PITPNC1: variants seen among roughly 807,000 people sequenced by gnomAD.
PITPNC1 encodes the protein cytoplasmic phosphatidylinositol transfer protein 1.
A neutral mutation model predicts 44.7 loss-of-function variants in PITPNC1; 18 were observed. The ratio of observed to expected loss-of-function variants is 0.40; its 90% CI spans 0.28 to 0.60. PITPNC1 has a LOEUF of 0.60. Among genes scored for constraint, PITPNC1 ranks in the 20% least tolerant of loss-of-function variants. The pLI is 0.39. For synonymous variants in PITPNC1, 141 were observed against 149.6 expected (o/e 0.94, Z 0.42); for missense variants, 290 against 418.4 (o/e 0.69, Z 2.68).
intron 1 of PITPNC1, among the ~76,000 whole-genome samples, chr17:67,447,795 C>T (rs2039120261): frequency 6.6e-6 from 1 of 152,172 alleles, no homozygotes; most frequent in Admixed American, 6.6e-5. Flanking sequence ...GGACAAACCC[C>T]TGCTTTGAAG....
At chr17:67,412,361 C>T (rs1417360494) in intron 1 of PITPNC1, among the ~76,000 whole-genome samples, 4 of 152,072 alleles carry the variant, frequency 2.6e-5, no homozygotes, top group Admixed American at 6.6e-5. Context: ...GCTGATGGCA[C>T]AAGCTCCAGG....
At chr17:67,647,099 G>A (rs1418513260) in intron 6 of PITPNC1, among the ~76,000 whole-genome samples, 2 of 152,064 alleles carry the variant, frequency 1.3e-5, no homozygotes, top group Non-Finnish European at 2.9e-5. Context: ...GGAAAGACTG[G>A]TATGTAGAAA....
chr17:67,426,519 A>G (rs2038767822), intron 1 of PITPNC1, among the ~76,000 whole-genome samples: 1 of 152,096 alleles, frequency 6.6e-6, no homozygotes. Flanking sequence ...CAGAAAACCA[A>G]ACACCACGTG....
Position 67,430,920 on chromosome 17 carries a change from G to A in PITPNC1, c.48+52718G>A, listed in dbSNP as rs534608798. Among the ~76,000 whole-genome samples the A allele has an allele frequency of 5.3e-5, 8 of 152,182 alleles. No homozygotes were observed. The South Asian group carries it at 1.7e-3, about 32-fold the overall frequency. On this transcript the variant is annotated intron_variant, in intron 1 of 8. Coordinates refer to ENST00000581322, the MANE Select transcript of PITPNC1 (RefSeq NM_012417.4). ...GAAATGATCACACCACTGCACTCCA[G>A]CCTGTGTGACAAAGCAAGACCCCAT...
intron 1 of PITPNC1, among the ~76,000 whole-genome samples, chr17:67,434,769 C>T (rs981711601): frequency 4.2e-5 from 6 of 144,338 alleles, no homozygotes; most frequent in African/African-American, 1.5e-4. Context: ...GCTGTTGCAA[C>T]AGGGAACAAC....
At chr17:67,569,194 CA>C (rs1205041375) in intron 4 of PITPNC1, among the ~76,000 whole-genome samples, 1 of 152,158 alleles carries the variant, frequency 6.6e-6, no homozygotes, top group African/African-American at 2.4e-5. Context: ...GGTTTGCTTA[CA>C]TTTCATTTTG....
intron 1 of PITPNC1, among the ~76,000 whole-genome samples, chr17:67,513,776 A>G (rs1425940814): frequency 6.6e-6 from 1 of 152,146 alleles, no homozygotes; most frequent in Non-Finnish European, 1.5e-5. Flanking sequence ...ACCCACATTC[A>G]TTTAACTGTG....
At chr17:67,481,607 A>T (rs569560302) in intron 1 of PITPNC1, among the ~76,000 whole-genome samples, 51 of 152,252 alleles carry the variant, frequency 3.3e-4, no homozygotes, top group Non-Finnish European at 6.2e-4. Context: ...CCAAAGTGGG[A>T]TTACAGGCAT....
intron 6 of PITPNC1, among the ~76,000 whole-genome samples, chr17:67,661,885 C>T (rs138303239): frequency 2.0e-5 from 3 of 151,870 alleles, no homozygotes; most frequent in Non-Finnish European, 2.9e-5. Flanking sequence ...CATCCAGTTA[C>T]TTGGGAGGCT....
intron 1 of PITPNC1, among the ~76,000 whole-genome samples, chr17:67,441,810 G>A (rs991030821): frequency 3.9e-5 from 6 of 152,108 alleles, no homozygotes; most frequent in African/African-American, 1.4e-4. Context: ...GGCAAGAGAG[G>A]CTGTATGAAG....
intron 1 of PITPNC1, among the ~76,000 whole-genome samples, chr17:67,382,680 A>T (rs1339907964): frequency 6.6e-6 from 1 of 152,084 alleles, no homozygotes; most frequent in Non-Finnish European, 1.5e-5. Context: ...GCTGGAGTGC[A>T]GTGGGATGAT....
chr17:67,628,382 G>A (rs1020860592), intron 5 of PITPNC1, among the ~76,000 whole-genome samples: 1 of 152,068 alleles, frequency 6.6e-6, no homozygotes, highest in Non-Finnish European at 1.5e-5. Flanking sequence ...GGCCCAATCA[G>A]GAGATAGAAA....
intron 1 of PITPNC1, among the ~76,000 whole-genome samples, chr17:67,527,865 G>A (rs1213598241): frequency 6.6e-6 from 1 of 152,122 alleles, no homozygotes; most frequent in Non-Finnish European, 1.5e-5. Context: ...ACTGGGTGTG[G>A]TGGCACACTT....
chr17:67,609,272 G>A (rs140485281), intron 5 of PITPNC1, among the ~76,000 whole-genome samples: 1 of 143,154 alleles, frequency 7.0e-6, no homozygotes, highest in Non-Finnish European at 1.5e-5. Flanking sequence ...AGTTGGTCAT[G>A]TTCTTCTTCT....
intron 1 of PITPNC1, among the ~76,000 whole-genome samples, chr17:67,497,454 G>T (rs964704516): frequency 2.0e-5 from 3 of 147,110 alleles, no homozygotes; most frequent in Non-Finnish European, 4.5e-5. Flanking sequence ...CTTAATGATG[G>T]ACATTTAGGA....
chr17:67,404,022 AAAAC>A (rs1337935488), intron 1 of PITPNC1, among the ~76,000 whole-genome samples: 3 of 152,194 alleles, frequency 2.0e-5, no homozygotes, highest in Admixed American at 6.5e-5. Flanking sequence ...GCTCCATCTC[AAAAC>A]AAACAAACAA....
At chr17:67,604,866 G>T (rs1360793451) in intron 5 of PITPNC1, among the ~76,000 whole-genome samples, 2 of 152,028 alleles carry the variant, frequency 1.3e-5, no homozygotes, top group African/African-American at 4.8e-5. Context: ...GATCACCTGA[G>T]GCCAGGAGTT....
At chr17:67,591,861 C>T (rs2041395897) in intron 5 of PITPNC1, among the ~76,000 whole-genome samples, 3 of 151,694 alleles carry the variant, frequency 2.0e-5, no homozygotes, top group African/African-American at 7.3e-5. Flanking sequence ...AGGAGCACAT[C>T]ACCATGCCCA....
chr17:67,671,544 C>G (rs1210148071), intron 7 of PITPNC1, among the ~76,000 whole-genome samples: 2 of 152,130 alleles, frequency 1.3e-5, no homozygotes, highest in Non-Finnish European at 2.9e-5. Flanking sequence ...GAATTTAGGT[C>G]CAAGAACTAG....
Sources: gnomAD v4.1 joint callset for allele counts (sites outside exome capture counted in the v4.1 genomes callset) on GRCh38, gnomAD v4.1.1 for gene constraint, MANE v1.5 for transcripts, NCBI Gene and HGNC (gene_info 2026-07-23, HGNC 2026-07-21) for gene names.